ARHGAP32: variants seen among roughly 807,000 people sequenced by gnomAD.
ARHGAP32 encodes rho GTPase-activating protein 32.
Under a neutral mutation model 186.5 loss-of-function variants are expected in ARHGAP32, and 51 were observed. The ratio of observed to expected loss-of-function variants is 0.27; its 90% CI spans 0.22 to 0.35. The LOEUF is 0.35. ARHGAP32 is among the 10% of genes least tolerant of loss of function. The probability of loss-of-function intolerance (pLI) is 1.00; values close to 1 mark genes in which losing one functional copy is unlikely to be tolerated. For synonymous variants in ARHGAP32, 950 were observed against 964.3 expected (o/e 0.99, Z 0.27); for missense variants, 2,186 against 2,623.5 (o/e 0.83, Z 3.64).
At chr11:129,155,740 T>C (rs551677281) in intron 2 of ARHGAP32, among the ~76,000 whole-genome samples, 156 of 150,544 alleles carry the variant, frequency 1.0e-3, no homozygotes, top group African/African-American at 3.6e-3. Flanking sequence ...CTGGTGAGAA[T>C]AGTTGCTTAA....
intron 11 of ARHGAP32, among the ~76,000 whole-genome samples, chr11:129,020,442 G>A (rs978091981): frequency 1.3e-5 from 2 of 152,022 alleles, no homozygotes; most frequent in Non-Finnish European, 2.9e-5. Flanking sequence ...CACAGTTGCT[G>A]GTCATGCCAT....
chr11:129,169,325 G>A (rs886619674), intron 1 of ARHGAP32, among the ~76,000 whole-genome samples: 1 of 152,016 alleles, frequency 6.6e-6, no homozygotes, highest in Non-Finnish European at 1.5e-5. Flanking sequence ...GAAAGCCTGT[G>A]AACATTAAAA....
At chr11:128,978,533 T>C (rs931381261) in intron 19 of ARHGAP32, among the ~76,000 whole-genome samples, 9 of 152,328 alleles carry the variant, frequency 5.9e-5, no homozygotes, top group Middle Eastern at 3.4e-3. Flanking sequence ...ATTTACACTA[T>C]ATATAATCTA....
chr11:129,071,604 A>G (rs1281371095), intron 6 of ARHGAP32, among the ~76,000 whole-genome samples: 8 of 152,088 alleles, frequency 5.3e-5, no homozygotes, highest in African/African-American at 9.7e-5. Flanking sequence ...CTCCCCATAC[A>G]CTTTTATTGG....
chr11:129,162,111 A>G (rs1943542163), intron 2 of ARHGAP32, among the ~76,000 whole-genome samples: 1 of 152,152 alleles, frequency 6.6e-6, no homozygotes, highest in Non-Finnish European at 1.5e-5. Flanking sequence ...ACACATGGAC[A>G]CAGTGAGTGG....
At chr11:129,024,448 TC>T (rs760318678) in intron 11 of ARHGAP32, among the ~76,000 whole-genome samples, 10 of 152,184 alleles carry the variant, frequency 6.6e-5, no homozygotes, top group Non-Finnish European at 1.2e-4. Flanking sequence ...AAGTAATTGA[TC>T]AAGTAGGAAG....
intron 6 of ARHGAP32, among the ~76,000 whole-genome samples, chr11:129,073,892 A>T (rs376023979): frequency 6.6e-6 from 1 of 152,302 alleles, no homozygotes; most frequent in Non-Finnish European, 1.5e-5. Context: ...ATTATATAAC[A>T]TATTCTCAGA....
At chr11:129,136,280 C>G (rs150720405) in intron 2 of ARHGAP32, among the ~76,000 whole-genome samples, 38 of 152,190 alleles carry the variant, frequency 2.5e-4, no homozygotes, top group African/African-American at 7.9e-4. Context: ...CACACAGAAC[C>G]CTGGCACAAA....
At chr11:129,261,526 T>C (rs2135710408) in intron 1 of ARHGAP32, among the ~76,000 whole-genome samples, 1 of 152,328 alleles carries the variant, frequency 6.6e-6, no homozygotes, top group Non-Finnish European at 1.5e-5. Flanking sequence ...TAGGTCCGGT[T>C]ACATTAATTC....
intron 10 of ARHGAP32, among the ~76,000 whole-genome samples, chr11:129,052,731 C>A (rs7122154): frequency 0.27 from 40,492 of 151,804 alleles, 5,843 homozygotes; most frequent in Middle Eastern, 0.39. Flanking sequence ...ATAACAAGGT[C>A]TTCACATAGT....
chr11:128,969,977 C>T lies in ARHGAP32; in HGVS notation c.5236G>A (p.Ala1746Thr), dbSNP rs781598990. The T allele has an allele frequency of 1.9e-6, 3 of 1,614,188 alleles. No homozygotes were observed. Among genetic ancestry groups the T allele is most frequent in the Non-Finnish European group, 2.5e-6 (3 of 1,180,012 alleles). The change falls in exon 23 of 23, where the codon GCT (alanine) becomes ACT (threonine). Residue 1746 changes from alanine to threonine, a missense_variant. Around this residue, in one of 5 missense-constraint regions of ARHGAP32, gnomAD observed 1,502 missense variants for 1,570.0 expected, o/e 0.96. Coordinates refer to ENST00000682385, the MANE Select transcript of ARHGAP32 (RefSeq NM_001378024.1). This position sits in a 1 kb window ranked among gnomAD's most constrained non-coding sequence, Gnocchi z 4.8. ...NDHNVVSMPP[A>T]ADVKHTYTSW... ...GTGTAGGTGTGCTTCACATCAGCAG[C>T]CGGAGGCATGCTGACTACATTATGG...
In ARHGAP32 at chr11:128,970,237, C is replaced by T. The variant is rs758198053; in HGVS notation, c.4976G>A (p.Arg1659Gln). 9 of 1,613,996 alleles carry T rather than the reference C, an allele frequency of 5.6e-6. No individual in the cohort carries two copies. Among genetic ancestry groups the T allele is most frequent in the African/African-American group, 1.3e-5 (1 of 74,882 alleles). Residue 1659 changes from arginine (R) to glutamine (Q), a missense_variant, in exon 23 of 23, where the codon CGG becomes CAG. By Grantham distance (43) the Arg-to-Gln change is conservative. Around this residue, in one of 5 missense-constraint regions of ARHGAP32, gnomAD observed 1,502 missense variants for 1,570.0 expected, o/e 0.96. Transcript: ENST00000682385. The surrounding 1 kb of genome is among the most constrained non-coding windows in gnomAD (Gnocchi z 5.8). ...TQLQPYFENG[R>Q]VHYRYSPYSS... ...ATATGGGCTATACCTGTAGTGGACC[C>T]GGCCATTCTCAAAGTAAGGCTGAAG...
chr11:129,063,812 T>C (rs539493871), intron 9 of ARHGAP32, 90 bp downstream of exon 9: 8 of 1,370,352 alleles, frequency 5.8e-6, no homozygotes, highest in Non-Finnish European at 7.7e-6. Flanking sequence ...TTCATTTTTT[T>C]AAAAATTAAG....
chr11:129,215,476 G>T (rs567817384), intron 1 of ARHGAP32, among the ~76,000 whole-genome samples: 6 of 152,198 alleles, frequency 3.9e-5, no homozygotes, highest in Admixed American at 1.3e-4. Context: ...CTGAAGGTCA[G>T]AAGTCCAAAA....
At chr11:129,090,262 C>A (rs529602354) in intron 6 of ARHGAP32, among the ~76,000 whole-genome samples, 2 of 152,274 alleles carry the variant, frequency 1.3e-5, no homozygotes, top group African/African-American at 4.8e-5. Context: ...TCAAGGAATG[C>A]ATTTTTGATG....
At chr11:129,173,526 C>T (rs1943820772) in intron 1 of ARHGAP32, among the ~76,000 whole-genome samples, 1 of 152,084 alleles carries the variant, frequency 6.6e-6, no homozygotes, top group African/African-American at 2.4e-5. Context: ...AAAAAGAAAA[C>T]TTCAGGCCAA....
intron 1 of ARHGAP32, among the ~76,000 whole-genome samples, chr11:129,236,221 C>T (rs976319426): frequency 1.8e-4 from 27 of 152,098 alleles, no homozygotes; most frequent in African/African-American, 5.6e-4. Context: ...ACTGCATCCA[C>T]GTCAACATCT....
chr11:129,211,220 T>C (rs1229636751), intron 1 of ARHGAP32, among the ~76,000 whole-genome samples: 1 of 152,196 alleles, frequency 6.6e-6, no homozygotes, highest in Non-Finnish European at 1.5e-5. Context: ...TAGACTGCTA[T>C]TGCTTTTATT....
At chr11:129,254,777 C>T (rs1945231650) in intron 1 of ARHGAP32, among the ~76,000 whole-genome samples, 2 of 152,080 alleles carry the variant, frequency 1.3e-5, no homozygotes, top group Admixed American at 6.6e-5. Context: ...AGTATCAGCA[C>T]ACTGAAATGC....
Sources: allele counts gnomAD v4.1 joint callset (sites outside exome capture counted in the v4.1 genomes callset), GRCh38; gene constraint gnomAD v4.1.1; regional missense constraint gnomAD v4.1.1; non-coding constraint Gnocchi (gnomAD v3.1); transcripts MANE v1.5; gene names NCBI Gene and HGNC (gene_info 2026-07-23, HGNC 2026-07-21).